Variants in DTNA observed in about 807,000 individuals in gnomAD.
DTNA encodes dystrobrevin alpha.
DTNA carries 43 observed loss-of-function variants against 100.7 expected under a neutral mutation model. The observed-to-expected ratio is 0.43, with a 90% confidence interval of 0.33 to 0.55. The LOEUF (loss-of-function observed/expected upper bound fraction) is 0.55. Among genes scored for constraint, DTNA ranks in the 20% least tolerant of loss-of-function variants. The pLI, the probability that DTNA is intolerant of heterozygous loss-of-function variation, is 0.04. For synonymous variants in DTNA, 349 were observed against 347.9 expected, an observed-to-expected ratio of 1.00 and a Z score of -0.04; for missense variants, 798 against 953.9, an observed-to-expected ratio of 0.84 and a Z score of 2.15.
intron 4 of DTNA, among the ~76,000 whole-genome samples, chr18:34,800,288 G>T (rs917059567): frequency 2.0e-5 from 3 of 152,172 alleles, no homozygotes; most frequent in African/African-American, 7.2e-5. Flanking sequence ...GAAATGAGAT[G>T]AGATACCCTT....
chr18:34,602,445 A>G (rs779729906), intron 1 of DTNA, among the ~76,000 whole-genome samples: 23 of 152,220 alleles, frequency 1.5e-4, no homozygotes, highest in Non-Finnish European at 2.6e-4. Context: ...CTAAAGGGAT[A>G]TGTTTGACTT....
At chr18:34,879,146 A>C (rs1389527711) in intron 19 of DTNA, among the ~76,000 whole-genome samples, 1 of 152,340 alleles carries the variant, frequency 6.6e-6, no homozygotes, top group Admixed American at 6.5e-5. Flanking sequence ...TTAATATTTT[A>C]AGTTCATATT....
chr18:34,780,900 G>A (rs1235977351), intron 3 of DTNA, among the ~76,000 whole-genome samples: 1 of 152,198 alleles, frequency 6.6e-6, no homozygotes, highest in Non-Finnish European at 1.5e-5. Flanking sequence ...GAGACAAAAG[G>A]AGAGAGTTCT....
chr18:34,881,437 CTTTTTTTTT>C lies in DTNA; in HGVS notation c.2163-615_2163-607del, dbSNP rs752828928. Reference sequence around the variant, plus strand: ...ATAGTGGAATTGGATAATTAAAATGCTTTTTTTTTTTTTTTTTTTTTTTTTCAGATTTAG... The same window carrying C: ...ATAGTGGAATTGGATAATTAAAATGCTTTTTTTTTTTTTTTTCAGATTTAG... On this transcript the variant is annotated intron_variant, in intron 20 of 22. Coordinates refer to ENST00000444659, the MANE Select transcript of DTNA (RefSeq NM_001386795.1). 1.9e-4 allele frequency among the ~76,000 whole-genome samples: 10 copies of C among 51,398 alleles called. No individual in the cohort carries two copies. The Middle Eastern group carries it at 0.083, about 428-fold the overall frequency. 33.7% of individuals were successfully genotyped at this position (51,398 alleles called of 152,430 possible). A position where few individuals can be genotyped will look rare whatever the true frequency, so the allele number is the denominator to read the frequency against.
chr18:34,765,234 G>A (rs1277371510), intron 2 of DTNA, among the ~76,000 whole-genome samples: 1 of 152,148 alleles, frequency 6.6e-6, no homozygotes, highest in East Asian at 1.9e-4. Context: ...AAGAATATAG[G>A]GAATGTGTTC....
chr18:34,795,265 A>G (rs1295695370), intron 4 of DTNA, among the ~76,000 whole-genome samples: 5 of 152,226 alleles, frequency 3.3e-5, no homozygotes, highest in African/African-American at 1.2e-4. Flanking sequence ...TTTGCAATTC[A>G]CAAAAGCTAC....
At chr18:34,514,959 G>A (rs1448581374) in intron 1 of DTNA, among the ~76,000 whole-genome samples, 1 of 152,018 alleles carries the variant, frequency 6.6e-6, no homozygotes, top group Non-Finnish European at 1.5e-5. Context: ...AACTCACCCT[G>A]TGCTGGCCTT....
intron 1 of DTNA, among the ~76,000 whole-genome samples, chr18:34,627,676 G>A (rs2057509969): frequency 6.6e-6 from 1 of 152,032 alleles, no homozygotes; most frequent in African/African-American, 2.4e-5. Flanking sequence ...TGCCTCTCTT[G>A]GAACATGGTG....
intron 8 of DTNA, 54 bp downstream of exon 8, chr18:34,818,384 G>A (rs2149413895): frequency 1.3e-6 from 2 of 1,597,130 alleles, no homozygotes; most frequent in South Asian, 1.1e-5. Flanking sequence ...GTTGCCCAGA[G>A]TTAAAGGGAA....
chr18:34,612,370 G>A (rs895039144), intron 1 of DTNA, among the ~76,000 whole-genome samples: 3 of 152,142 alleles, frequency 2.0e-5, no homozygotes, highest in African/African-American at 7.2e-5. Flanking sequence ...AGGACAGTGG[G>A]CGATGGTGGC....
intron 1 of DTNA, among the ~76,000 whole-genome samples, chr18:34,653,530 AT>A (rs2073923777): frequency 6.6e-6 from 1 of 152,096 alleles, no homozygotes; most frequent in Non-Finnish European, 1.5e-5. Context: ...TTTTTTAAAA[AT>A]ACCACTGAGG....
chr18:34,803,649 C>G (rs1415329784), intron 4 of DTNA, among the ~76,000 whole-genome samples: 1 of 152,170 alleles, frequency 6.6e-6, no homozygotes, highest in Non-Finnish European at 1.5e-5. Context: ...GTAGACTTTA[C>G]TGTTGTCATT....
chr18:34,602,815 C>T (rs2052200724), intron 1 of DTNA, among the ~76,000 whole-genome samples: 1 of 151,822 alleles, frequency 6.6e-6, no homozygotes. Flanking sequence ...AACAGCCTGG[C>T]CACATAGTGA....
At chr18:34,634,356 T>A (rs974460314) in intron 1 of DTNA, among the ~76,000 whole-genome samples, 1 of 152,208 alleles carries the variant, frequency 6.6e-6, no homozygotes, top group Non-Finnish European at 1.5e-5. Context: ...AAAATTTTTT[T>A]ACTTACCTAT....
At chr18:34,518,877 A>G (rs2041915586) in intron 1 of DTNA, among the ~76,000 whole-genome samples, 1 of 152,018 alleles carries the variant, frequency 6.6e-6, no homozygotes, top group Non-Finnish European at 1.5e-5. Context: ...GTTAAATTAA[A>G]ATATAGAATA....
At chr18:34,718,975 T>C (rs191109350) in intron 1 of DTNA, among the ~76,000 whole-genome samples, 1 of 152,192 alleles carries the variant, frequency 6.6e-6, no homozygotes, top group Admixed American at 6.5e-5. Flanking sequence ...TTAACCTATT[T>C]AAGGCAATTA....
At chr18:34,499,624 A>G (rs557296875) in intron 1 of DTNA, among the ~76,000 whole-genome samples, 35 of 152,314 alleles carry the variant, frequency 2.3e-4, no homozygotes, top group Admixed American at 5.9e-4. Flanking sequence ...TATCTTCGCT[A>G]GCATTTGGCA....
At chr18:34,542,113 GGAGA>G (rs1207185744) in intron 1 of DTNA, among the ~76,000 whole-genome samples, 1 of 151,940 alleles carries the variant, frequency 6.6e-6, no homozygotes, top group African/African-American at 2.4e-5. Flanking sequence ...AAAGGTTGGG[GGAGA>G]GAGAGCTCAC....
At chr18:34,553,815 C>G (rs1184492499) in intron 1 of DTNA, among the ~76,000 whole-genome samples, 1 of 152,148 alleles carries the variant, frequency 6.6e-6, no homozygotes, top group African/African-American at 2.4e-5. Flanking sequence ...TAGTGTGATG[C>G]CTCCAGCTTT....
Sources: allele counts gnomAD v4.1 joint callset (sites outside exome capture counted in the v4.1 genomes callset), GRCh38; gene constraint gnomAD v4.1.1; transcripts MANE v1.5; gene names NCBI Gene and HGNC (gene_info 2026-07-23, HGNC 2026-07-21).